CYP3A4: variants seen among roughly 807,000 people sequenced by gnomAD.
CYP3A4 encodes the protein cytochrome P450 family 3 subfamily A member 4.
Under a neutral mutation model 54.9 loss-of-function variants are expected in CYP3A4, and 41 were observed. The observed-to-expected ratio is 0.75, with a 90% CI of 0.58 to 0.97. CYP3A4 has a LOEUF of 0.97. Among genes scored for constraint, CYP3A4 ranks in the 50% least tolerant of loss-of-function variants. CYP3A4 has a pLI of 0.00. For missense variants in CYP3A4, 510 were observed against 597.3 expected (o/e 0.85, Z 1.52); for synonymous variants, 179 against 205.2 (o/e 0.87, Z 1.09).
intron 7 of CYP3A4, among the ~76,000 whole-genome samples, chr7:99,768,078 A>G (rs1815519664): frequency 6.6e-6 from 1 of 152,240 alleles, no homozygotes; most frequent in South Asian, 2.1e-4. Flanking sequence ...AAGTGTCCAG[A>G]ATAGGCAAAT....
At chr7:99,766,912 T>C (rs1388689829) in intron 8 of CYP3A4, 2 of 438,362 alleles carry the variant, frequency 4.6e-6, no homozygotes, top group African/African-American at 4.1e-5. Flanking sequence ...GTGTCTGATA[T>C]CAAATTTCAT....
Position 99,758,090 on chromosome 7 carries a change from G to A in CYP3A4, c.*43C>T, listed in dbSNP as rs1815223482. ...AATTTGAGGTCTCTGGTGTTCTCAG[G>A]CACAGATTTCTTGAAGAGCAAAGCA... is the stretch of plus-strand genomic sequence containing the variant. On this transcript the variant is annotated 3_prime_UTR_variant, in exon 13 of 13. Transcript: ENST00000651514. The A allele has an allele frequency of 1.3e-6, 2 of 1,509,596 alleles. No individual in the cohort carries two copies. Among genetic ancestry groups the A allele is most frequent in the East Asian group, 4.5e-5 (2 of 44,302 alleles). 93.5% of individuals were successfully genotyped at this position (1,509,596 alleles called of 1,614,324 possible). A position where few individuals can be genotyped will look rare whatever the true frequency, so the allele number is the denominator to read the frequency against.
intron 9 of CYP3A4, among the ~76,000 whole-genome samples, chr7:99,765,442 G>A (rs535277508): frequency 6.6e-5 from 10 of 151,856 alleles, no homozygotes; most frequent in African/African-American, 1.9e-4. Context: ...GATGATAGAT[G>A]GATAAATGAT....
In CYP3A4 at chr7:99,768,340, A is replaced by G. The variant is rs764149294; in HGVS notation, c.670+14T>C. ...GAGAGCAAGATAAATAAAAGGAAATAGTAGTCCACATACTTATTGAGAGAA... is the reference window on the plus strand; with the variant it reads ...GAGAGCAAGATAAATAAAAGGAAATGGTAGTCCACATACTTATTGAGAGAA... On this transcript the variant is annotated intron_variant, in intron 7 of 12. Coordinates refer to ENST00000651514, the MANE Select transcript of CYP3A4 (RefSeq NM_017460.6). 2 of 1,610,516 alleles carry G rather than the reference A, an allele frequency of 1.2e-6. No individual in the cohort carries two copies. The highest frequency in any genetic ancestry group is 2.2e-5 in the South Asian group (2 of 90,934).
chr7:99,757,209 C>T lies in CYP3A4; in HGVS notation c.*924G>A, dbSNP rs1232050110. ...TTTTTTTAAGACTGAGTCTCACTCT[C>T]ACCCAGACTGGAGTGCAGTGGTGCA... is the stretch of plus-strand genomic sequence containing the variant. On this transcript the variant is annotated 3_prime_UTR_variant, in exon 13 of 13. Transcript: ENST00000651514. 6.6e-6 allele frequency: 1 copy of T among 152,210 alleles called. No individual in the cohort carries two copies. The highest frequency in any genetic ancestry group is 1.5e-5 in the Non-Finnish European group (1 of 68,036). The allele number at this position is 152,210 out of a possible 1,614,324, so 9.4% of individuals were successfully genotyped here. A position where few individuals can be genotyped will look rare whatever the true frequency, so the allele number is the denominator to read the frequency against.
At position 99,762,086 on chromosome 7, in the gene CYP3A4, C is replaced by T. The variant is rs372231982; in HGVS notation, c.1208G>A (p.Arg403His). ...AGGCTCTGTCCAGTACTTTGGGTCA[C>T]GGTGAAGAGCATAGCTTGGAATCAT... ...VVMIPSYALHRDPKYWTEPEK... is the reference protein window; with the variant it reads ...VVMIPSYALHHDPKYWTEPEK... The change falls in exon 11 of 13, where the codon CGT (arginine) becomes CAT (histidine). Residue 403 changes from arginine (R) to histidine (H), a missense_variant. By Grantham distance (29) the Arg-to-His change is conservative. Coordinates refer to ENST00000651514, the MANE Select transcript of CYP3A4 (RefSeq NM_017460.6). 66 of 1,613,890 alleles carry T rather than the reference C, an allele frequency of 4.1e-5. No homozygotes were observed. The highest frequency in any genetic ancestry group is 5.1e-5 in the Non-Finnish European group (60 of 1,179,984).
Position 99,780,080 on chromosome 7 carries a change from C to T in CYP3A4, c.77G>A (p.Gly26Glu). ...AVSLVLLYLY[G>E]THSHGLFKKL... ...CTTAAAAAGTCCATGTGAATGGGTT[C>T]CATATCTACAAAGTGAAACAGAAAT... The change falls in exon 2 of 13, where the codon GGA (glycine) becomes GAA (glutamate). Residue 26 changes from glycine (G) to glutamate (E), a missense_variant. By Grantham distance (98) the Gly-to-Glu change is moderately conservative. Transcript: ENST00000651514. 1 of 1,612,806 alleles carries T rather than the reference C, an allele frequency of 6.2e-7. No individual in the cohort carries two copies. Among genetic ancestry groups the T allele is most frequent in the South Asian group, 1.1e-5 (1 of 91,032 alleles).
Position 99,784,172 on chromosome 7 carries a change from C to T in CYP3A4, c.-91G>A. 3 of 1,223,650 alleles carry T rather than the reference C, an allele frequency of 2.5e-6. No individual in the cohort carries two copies. The highest frequency in any genetic ancestry group is 2.4e-5 in the East Asian group (1 of 42,030). The allele number at this position is 1,223,650 out of a possible 1,614,324, so 75.8% of individuals were successfully genotyped here. A position where few individuals can be genotyped will look rare whatever the true frequency, so the allele number is the denominator to read the frequency against. On this transcript the variant is annotated 5_prime_UTR_variant, in exon 1 of 13. Coordinates refer to ENST00000651514, the MANE Select transcript of CYP3A4 (RefSeq NM_017460.6). ...GGCTATGTGCATGGAGCTTTCCTGCCCTGCACAGCAGTGATTCAGTGAGGC... is the reference window on the plus strand; with the variant it reads ...GGCTATGTGCATGGAGCTTTCCTGCTCTGCACAGCAGTGATTCAGTGAGGC...
chr7:99,775,469 G>T (rs1815743706), intron 3 of CYP3A4, among the ~76,000 whole-genome samples: 1 of 152,154 alleles, frequency 6.6e-6, no homozygotes, highest in African/African-American at 2.4e-5. Flanking sequence ...AACCAAAACA[G>T]CATGGTACAG....
chr7:99,778,624 G>A (rs1815833896), intron 2 of CYP3A4, among the ~76,000 whole-genome samples: 1 of 152,188 alleles, frequency 6.6e-6, no homozygotes, highest in Non-Finnish European at 1.5e-5. Context: ...GAAAATGAAC[G>A]AGTGACAGAA....
At chr7:99,764,043 T>C in intron 9 of CYP3A4, 28 bp from the exon 10 acceptor site, 2 of 1,613,422 alleles carry the variant, frequency 1.2e-6, no homozygotes, top group Non-Finnish European at 1.7e-6. Flanking sequence ...ACATTTTAGG[T>C]AAATCAGATC....
intron 6 of CYP3A4, 151 bp downstream of exon 6, chr7:99,769,617 C>T: frequency 1.5e-6 from 1 of 685,036 alleles, no homozygotes; most frequent in Admixed American, 2.5e-5. Context: ...TCGGAGCTGC[C>T]CCATCTTGGG....
intron 12 of CYP3A4, among the ~76,000 whole-genome samples, chr7:99,759,277 G>T (rs1815255633): frequency 6.6e-6 from 1 of 152,180 alleles, no homozygotes; most frequent in Admixed American, 6.5e-5. Context: ...ATAGGGTATT[G>T]TTTAATATGA....
Position 99,758,089 on chromosome 7 carries a change from G to C in CYP3A4, c.*44C>G, listed in dbSNP as rs1387837370. The C allele has an allele frequency of 6.6e-7, 1 of 1,508,796 alleles. No individual in the cohort carries two copies. The highest frequency in any genetic ancestry group is 1.7e-5 in the Admixed American group (1 of 59,854). The allele number at this position is 1,508,796 out of a possible 1,614,324, so 93.5% of individuals were successfully genotyped here. A position where few individuals can be genotyped will look rare whatever the true frequency, so the allele number is the denominator to read the frequency against. On this transcript the variant is annotated 3_prime_UTR_variant, in exon 13 of 13. Transcript: ENST00000651514. ...TAATTTGAGGTCTCTGGTGTTCTCA[G>C]GCACAGATTTCTTGAAGAGCAAAGC...
intron 3 of CYP3A4, among the ~76,000 whole-genome samples, chr7:99,777,477 TGTGTGTGTGTG>T (rs1815800423): frequency 0.018 from 3 of 170 alleles, no homozygotes; most frequent in Admixed American, 0.1. Flanking sequence ...TGTCACTAGT[TGTGTGTGTGTG>T]TGTGTGTGTG....
intron 3 of CYP3A4, among the ~76,000 whole-genome samples, chr7:99,776,613 GT>G (rs1815778269): frequency 6.6e-6 from 1 of 152,014 alleles, no homozygotes; most frequent in African/African-American, 2.4e-5. Flanking sequence ...AACACCACAT[GT>G]TCTCACTCCT....
Position 99,784,047 on chromosome 7 carries a change from CA to C in CYP3A4, c.34del (p.Trp12GlyfsTer78). ...ALIPDLAMET[W>X]LLLAVSLVLL... is the part of the protein sequence containing the mutation. ...CACCAGGCTGACAGCCAGGAGAAGCCAGGTTTCCATGGCCAAGTCTGGGATG... is the reference window on the plus strand; with the variant it reads ...CACCAGGCTGACAGCCAGGAGAAGCCGGTTTCCATGGCCAAGTCTGGGATG... On this transcript the variant is annotated frameshift_variant, in exon 1 of 13. Transcript: ENST00000651514. LOFTEE classifies it high-confidence loss of function. The C allele has an allele frequency of 6.2e-7, 1 of 1,614,060 alleles. No individual in the cohort carries two copies.
chr7:99,771,550 A>G (rs1288067445), intron 4 of CYP3A4, among the ~76,000 whole-genome samples: 2 of 152,232 alleles, frequency 1.3e-5, no homozygotes, highest in African/African-American at 4.8e-5. Flanking sequence ...ACTGGTCTAT[A>G]TATTTAATTC....
intron 1 of CYP3A4, 144 bp from the exon 2 acceptor site, chr7:99,780,229 A>G: frequency 1.3e-6 from 1 of 791,402 alleles, no homozygotes; most frequent in South Asian, 1.8e-5. Flanking sequence ...TCTGACGGCA[A>G]TGATTATATT....
Sources: allele counts gnomAD v4.1 joint callset (sites outside exome capture counted in the v4.1 genomes callset), GRCh38; gene constraint gnomAD v4.1.1; transcripts MANE v1.5; gene names NCBI Gene and HGNC (gene_info 2026-07-23, HGNC 2026-07-21).